The following DACH2 variants were observed in gnomAD, a reference collection of about 807,000 sequenced individuals.
The protein encoded by DACH2 is dachshund homolog 2.
Under a neutral mutation model 35.8 loss-of-function variants are expected in DACH2, and 17 were observed. That is an observed-to-expected ratio of 0.48 (90% CI 0.33 to 0.71). The LOEUF is 0.71. Among genes scored for constraint, DACH2 ranks in the 30% least tolerant of loss-of-function variants. DACH2 has a pLI of 0.02. For synonymous variants in DACH2, 195 were observed against 177.3 expected (o/e 1.10, Z -0.79); for missense variants, 469 against 472.7 (o/e 0.99, Z 0.07).
At chrX:86,533,857 T>A (rs1012177160) in intron 3 of DACH2, among the ~76,000 whole-genome samples, 1 of 111,184 alleles carries the variant, frequency 9.0e-6, no homozygotes, top group Admixed American at 9.6e-5. Context: ...GGAGGCCAGA[T>A]AAAGCCAGTG....
chrX:86,207,242 G>T (rs1427217455), intron 1 of DACH2, among the ~76,000 whole-genome samples: 1 of 111,490 alleles, frequency 9.0e-6, no homozygotes, highest in African/African-American at 3.3e-5. Context: ...CGTCTCTGTT[G>T]CCAAGAAGGG....
chrX:86,343,267 G>A (rs371111027), intron 1 of DACH2, among the ~76,000 whole-genome samples: 3 of 111,700 alleles, frequency 2.7e-5, no homozygotes, highest in Non-Finnish European at 5.6e-5. Flanking sequence ...GCCTGCTTCT[G>A]GTGGAGAGAT....
At chrX:86,261,666 A>G (rs1481064521) in intron 1 of DACH2, among the ~76,000 whole-genome samples, 1 of 111,777 alleles carries the variant, frequency 8.9e-6, no homozygotes, top group African/African-American at 3.3e-5. Context: ...TTAGTGGAGT[A>G]CATTTCATTC....
intron 1 of DACH2, among the ~76,000 whole-genome samples, chrX:86,262,280 C>T (rs775733808): frequency 2.7e-5 from 3 of 111,036 alleles, no homozygotes; most frequent in African/African-American, 9.8e-5. Flanking sequence ...AGAGGGAGAC[C>T]CTGTCTCAAA....
At chrX:86,657,186 A>G (rs1485015866) in intron 4 of DACH2, among the ~76,000 whole-genome samples, 3 of 109,482 alleles carry the variant, frequency 2.7e-5, no homozygotes, top group Non-Finnish European at 5.7e-5. Flanking sequence ...CACAACAGGG[A>G]TACTATAGTC....
intron 4 of DACH2, among the ~76,000 whole-genome samples, chrX:86,654,198 A>AAC (rs1286452195): frequency 9.9e-6 from 1 of 101,368 alleles, no homozygotes; most frequent in African/African-American, 4.0e-5. Flanking sequence ...AAAAAAAAAA[A>AAC]AAAAAAAAAA....
intron 1 of DACH2, among the ~76,000 whole-genome samples, chrX:86,152,453 C>A (rs1029141480): frequency 9.0e-6 from 1 of 111,531 alleles, no homozygotes; most frequent in Non-Finnish European, 1.9e-5. Flanking sequence ...ATAATTGTTT[C>A]TTTGATAGTA....
chrX:86,535,501 C>T (rs1250819422), intron 3 of DACH2, among the ~76,000 whole-genome samples: 1 of 111,476 alleles, frequency 9.0e-6, no homozygotes, highest in African/African-American at 3.3e-5. Context: ...ATACTTTCTT[C>T]CCTTTGCAGT....
At chrX:86,550,490 A>G (rs1170986651) in intron 3 of DACH2, among the ~76,000 whole-genome samples, 1 of 110,751 alleles carries the variant, frequency 9.0e-6, no homozygotes, top group Non-Finnish European at 1.9e-5. Flanking sequence ...TCACTGTTTA[A>G]CTTAGCAGTG....
intron 1 of DACH2, among the ~76,000 whole-genome samples, chrX:86,249,527 CTAT>C (rs1282713847): frequency 9.0e-6 from 1 of 111,084 alleles, no homozygotes; most frequent in Non-Finnish European, 1.9e-5. Flanking sequence ...GTCAGAATGG[CTAT>C]TATTAAAAAG....
intron 3 of DACH2, among the ~76,000 whole-genome samples, chrX:86,601,099 G>T (rs1001141858): frequency 9.0e-6 from 1 of 110,667 alleles, no homozygotes; most frequent in African/African-American, 3.3e-5. Flanking sequence ...AATTAAAGGG[G>T]GCTTTCTATA....
intron 7 of DACH2, among the ~76,000 whole-genome samples, chrX:86,796,741 T>C (rs2042242871): frequency 8.9e-6 from 1 of 112,041 alleles, no homozygotes; most frequent in South Asian, 3.7e-4. Flanking sequence ...TTGAATTTTG[T>C]AGGGCTTCAT....
intron 2 of DACH2, among the ~76,000 whole-genome samples, chrX:86,413,534 T>C (rs963053305): frequency 8.9e-6 from 1 of 112,282 alleles, no homozygotes; most frequent in Non-Finnish European, 1.9e-5. Flanking sequence ...ATTTGTCTTC[T>C]GCACAGGCCA....
At chrX:86,789,266 A>G (rs754063895) in intron 7 of DACH2, among the ~76,000 whole-genome samples, 2 of 112,109 alleles carry the variant, frequency 1.8e-5, no homozygotes, top group Admixed American at 1.9e-4. Context: ...GAAAGAAGGG[A>G]ATCACCCTTG....
intron 1 of DACH2, among the ~76,000 whole-genome samples, chrX:86,290,875 C>A (rs2034272830): frequency 9.4e-6 from 1 of 105,890 alleles, no homozygotes; most frequent in Non-Finnish European, 1.9e-5. Flanking sequence ...CAGCTTTGTT[C>A]TTTTGGCTTA....
chrX:86,609,685 A>T (rs866227901), intron 3 of DACH2, among the ~76,000 whole-genome samples: 9 of 112,009 alleles, frequency 8.0e-5, no homozygotes, highest in Middle Eastern at 4.6e-3. Flanking sequence ...CCTCAAGCCC[A>T]GTAGTGCTGT....
At chrX:86,647,022 T>C (rs1316967992) in intron 3 of DACH2, among the ~76,000 whole-genome samples, 1 of 109,656 alleles carries the variant, frequency 9.1e-6, no homozygotes, top group Non-Finnish European at 1.9e-5. Context: ...AAAATATATA[T>C]AAGAAATATT....
intron 4 of DACH2, among the ~76,000 whole-genome samples, chrX:86,671,859 A>G (rs1254679345): frequency 8.9e-6 from 1 of 111,733 alleles, no homozygotes; most frequent in Non-Finnish European, 1.9e-5. Context: ...AGGGCTCAGA[A>G]GAAGACAGGA....
intron 4 of DACH2, among the ~76,000 whole-genome samples, chrX:86,690,261 T>C (rs2040994488): frequency 8.9e-6 from 1 of 112,057 alleles, no homozygotes; most frequent in Admixed American, 9.5e-5. Context: ...AGGCTTATGC[T>C]AATTTGTTTG....
Sources: allele counts gnomAD v4.1 joint callset (sites outside exome capture counted in the v4.1 genomes callset), GRCh38; gene constraint gnomAD v4.1.1; transcripts MANE v1.5; gene names NCBI Gene and HGNC (gene_info 2026-07-23, HGNC 2026-07-21).